The following GLIS3 variants were observed in gnomAD, a reference collection of about 807,000 sequenced individuals.
The protein encoded by GLIS3 is zinc finger protein GLIS3.
In GLIS3, 53 loss-of-function variants were observed where a neutral mutation model predicts 78.6. The ratio of observed to expected loss-of-function variants is 0.67; its 90% CI spans 0.54 to 0.85. GLIS3 has a LOEUF of 0.85. Ranked by LOEUF, GLIS3 falls within the 40% of genes least tolerant of loss-of-function variation. GLIS3 has a pLI of 0.00. For synonymous variants in GLIS3, 684 were observed against 509.9 expected, an observed-to-expected ratio of 1.34 and a Z score of -4.60; for missense variants, 1,703 against 1,231.1, an observed-to-expected ratio of 1.38 and a Z score of -5.74.
At chr9:4,078,960 A>C (rs1394282352) in intron 4 of GLIS3, among the ~76,000 whole-genome samples, 1 of 152,194 alleles carries the variant, frequency 6.6e-6, no homozygotes, top group Non-Finnish European at 1.5e-5. Flanking sequence ...TTAAAAACAA[A>C]TGTTTTCCAG....
At position 3,907,599 on chromosome 9, in the gene GLIS3, C is replaced by CACACA. The variant is rs1384187942; in HGVS notation, c.1984-8765_1984-8764insTGTGT. Among the ~76,000 whole-genome samples, 190 of 132,468 alleles carry CACACA rather than the reference C, an allele frequency of 1.4e-3. 1 individual carries two copies. Among genetic ancestry groups the CACACA allele is most frequent in the Admixed American group, 0.012 (153 of 12,712 alleles). 86.9% of individuals were successfully genotyped at this position (132,468 alleles called of 152,430 possible). A position where few individuals can be genotyped will look rare whatever the true frequency, so the allele number is the denominator to read the frequency against. ...AGAGCCAATGGCTAGCATCCTCCAC[C>CACACA]CCCCAAACACACACACACACACACA... On this transcript the variant is annotated intron_variant, in intron 6 of 10. Transcript: ENST00000381971.
chr9:4,047,028 G>C (rs1825307935), intron 4 of GLIS3, among the ~76,000 whole-genome samples: 1 of 152,144 alleles, frequency 6.6e-6, no homozygotes. Flanking sequence ...TGGTGATATT[G>C]TTTGGCTCTA....
chr9:4,051,812 T>C (rs1213187644), intron 4 of GLIS3, among the ~76,000 whole-genome samples: 2 of 152,192 alleles, frequency 1.3e-5, no homozygotes, highest in Non-Finnish European at 2.9e-5. Flanking sequence ...GCACAACTGC[T>C]GTGGCTAATA....
chr9:4,371,852 A>C, the GLIS3 span, among the ~76,000 whole-genome samples: 1 of 152,332 alleles, frequency 6.6e-6, no homozygotes, highest in South Asian at 2.1e-4. Flanking sequence ...GATAGAGGCC[A>C]CTTCTTAGTT....
chr9:3,934,411 T>TTGA (rs539732185), intron 5 of GLIS3, among the ~76,000 whole-genome samples: 1 of 121,204 alleles, frequency 8.3e-6, no homozygotes, highest in Non-Finnish European at 1.8e-5. Flanking sequence ...TTCTATTTGA[T>TTGA]TTTTTTTTTT....
chr9:3,959,689 G>A (rs1017282452), intron 4 of GLIS3, among the ~76,000 whole-genome samples: 15 of 151,804 alleles, frequency 9.9e-5, no homozygotes, highest in African/African-American at 3.6e-4. Flanking sequence ...CTTCACCTCT[G>A]ACTCTTCTCA....
At chr9:4,321,015 G>T (rs1346118284) in intron 2 of GLIS3, among the ~76,000 whole-genome samples, 1 of 151,842 alleles carries the variant, frequency 6.6e-6, no homozygotes, top group Non-Finnish European at 1.5e-5. Context: ...GCTTGGTCTA[G>T]ACCCCAGCCA....
At chr9:4,328,155 T>A (rs1412463073) in intron 2 of GLIS3, among the ~76,000 whole-genome samples, 1 of 152,144 alleles carries the variant, frequency 6.6e-6, no homozygotes, top group Non-Finnish European at 1.5e-5. Flanking sequence ...CCAGTGCCAG[T>A]AAGTCATGTC....
At chr9:4,327,802 G>A (rs1817624331) in intron 2 of GLIS3, among the ~76,000 whole-genome samples, 1 of 152,190 alleles carries the variant, frequency 6.6e-6, no homozygotes, top group African/African-American at 2.4e-5. Flanking sequence ...CTGGACCTGG[G>A]CCTAACTTCC....
intron 2 of GLIS3, among the ~76,000 whole-genome samples, chr9:4,165,113 A>T (rs1586853800): frequency 6.6e-6 from 1 of 152,118 alleles, no homozygotes; most frequent in African/African-American, 2.4e-5. Flanking sequence ...CAGAGGCTGG[A>T]GGGGCCCTGA....
At chr9:4,222,753 T>C (rs1456024935) in intron 2 of GLIS3, among the ~76,000 whole-genome samples, 5 of 152,232 alleles carry the variant, frequency 3.3e-5, no homozygotes, top group African/African-American at 4.8e-5. Flanking sequence ...ATACTTTAAC[T>C]GTGGGCTCGC....
rs371790247 is a variant in GLIS3 at position 4,286,138 on chromosome 9, C to T, written c.288G>A (p.Pro96=). The T allele has an allele frequency of 7.4e-6, 12 of 1,613,638 alleles. No homozygotes were observed. Among genetic ancestry groups the T allele is most frequent in the Non-Finnish European group, 9.3e-6 (11 of 1,179,650 alleles). The stretch of plus-strand genomic sequence containing the variant: ...CTCCAGCCTGGGTGACCTGGAATCG[C>T]GGCTTCCCATTGGTGAGCATTTGTC... The part of the protein sequence containing the change: ...PRRQMLTNGK[P]RFQVTQAGGM... Residue 96 remains proline, a synonymous_variant, in exon 2 of 11, where the codon CCG becomes CCA. Transcript: ENST00000381971.
intron 4 of GLIS3, among the ~76,000 whole-genome samples, chr9:4,030,906 G>T (rs1027372467): frequency 6.6e-6 from 1 of 152,152 alleles, no homozygotes; most frequent in East Asian, 1.9e-4. Flanking sequence ...TCAAAAAGAT[G>T]CTCGGCATCA....
chr9:3,964,805 TG>T (rs1406872968), intron 4 of GLIS3, among the ~76,000 whole-genome samples: 1 of 152,086 alleles, frequency 6.6e-6, no homozygotes, highest in East Asian at 1.9e-4. Flanking sequence ...AGGACATGAG[TG>T]TGAGGTAATG....
At chr9:3,969,591 G>A (rs1404218089) in intron 4 of GLIS3, among the ~76,000 whole-genome samples, 2 of 152,208 alleles carry the variant, frequency 1.3e-5, no homozygotes, top group Non-Finnish European at 2.9e-5. Context: ...ATAGTAATCA[G>A]CACCTTCAGC....
chr9:3,954,857 C>A (rs766764861), intron 4 of GLIS3, among the ~76,000 whole-genome samples: 1 of 152,154 alleles, frequency 6.6e-6, no homozygotes, highest in East Asian at 1.9e-4. Flanking sequence ...AAGCTTTTTA[C>A]TTCATTTGGT....
chr9:4,293,134 G>C (rs920854579), intron 1 of GLIS3, among the ~76,000 whole-genome samples: 1 of 152,138 alleles, frequency 6.6e-6, no homozygotes, highest in Non-Finnish European at 1.5e-5. Flanking sequence ...AATGAAAAGA[G>C]CATTCATTAT....
chr9:3,986,932 A>G (rs1336975900), intron 4 of GLIS3, among the ~76,000 whole-genome samples: 1 of 152,216 alleles, frequency 6.6e-6, no homozygotes, highest in Non-Finnish European at 1.5e-5. Flanking sequence ...CCCATCAACT[A>G]AGAACCAAAA....
At chr9:4,126,755 T>C (rs943783684) in intron 2 of GLIS3, among the ~76,000 whole-genome samples, 4 of 152,222 alleles carry the variant, frequency 2.6e-5, no homozygotes, top group Admixed American at 6.5e-5. Flanking sequence ...CTAGACATTC[T>C]TTTTACATGG....
Sources: allele counts gnomAD v4.1 joint callset (sites outside exome capture counted in the v4.1 genomes callset), GRCh38; gene constraint gnomAD v4.1.1; transcripts MANE v1.5; gene names NCBI Gene and HGNC (gene_info 2026-07-23, HGNC 2026-07-21).